RSU1: variants seen among roughly 807,000 people sequenced by gnomAD.
RSU1 encodes rsu-1.
Under a neutral mutation model 31.1 loss-of-function variants are expected in RSU1, and 26 were observed. The observed-to-expected ratio is 0.84, with a 90% CI of 0.61 to 1.16. The LOEUF is 1.16. Ranked by LOEUF, RSU1 falls within the 50% of genes most tolerant of loss-of-function variation. The probability of loss-of-function intolerance (pLI) is 0.00; values close to 1 mark genes in which losing one functional copy is unlikely to be tolerated. For synonymous variants in RSU1, 164 were observed against 136.3 expected, an observed-to-expected ratio of 1.20 and a Z score of -1.41; for missense variants, 320 against 339.1, an observed-to-expected ratio of 0.94 and a Z score of 0.44.
chr10:16,730,657 A>C (rs866858789), intron 7 of RSU1, among the ~76,000 whole-genome samples: 1 of 152,242 alleles, frequency 6.6e-6, no homozygotes. Context: ...ACTTGATATA[A>C]TCTATAAAGC....
chr10:16,688,211 C>T (rs1835474281), intron 8 of RSU1, among the ~76,000 whole-genome samples: 1 of 152,068 alleles, frequency 6.6e-6, no homozygotes, highest in Non-Finnish European at 1.5e-5. Context: ...TTTAGCAATA[C>T]TGGTTAAATG....
chr10:16,760,376 G>T (rs1184554804), intron 4 of RSU1, among the ~76,000 whole-genome samples: 3 of 151,986 alleles, frequency 2.0e-5, no homozygotes, highest in Non-Finnish European at 2.9e-5. Flanking sequence ...GGGTGTGGGT[G>T]TGTGCACTTG....
At chr10:16,693,641 G>A (rs546813013) in intron 8 of RSU1, among the ~76,000 whole-genome samples, 2 of 152,098 alleles carry the variant, frequency 1.3e-5, no homozygotes, top group African/African-American at 4.8e-5. Flanking sequence ...AAGCAGGATT[G>A]CTTGACACCA....
At chr10:16,732,051 T>C (rs1259625645) in intron 7 of RSU1, among the ~76,000 whole-genome samples, 2 of 152,134 alleles carry the variant, frequency 1.3e-5, no homozygotes, top group Admixed American at 1.3e-4. Flanking sequence ...AAGTACAGTA[T>C]CAGTAGCTTC....
intron 2 of RSU1, among the ~76,000 whole-genome samples, chr10:16,801,348 C>G (rs1313967079): frequency 4.6e-5 from 7 of 152,094 alleles, no homozygotes; most frequent in Non-Finnish European, 1.5e-5. Context: ...ACACAGCAAT[C>G]CTTAATGTGA....
At chr10:16,663,241 G>T (rs1834920385) in intron 8 of RSU1, among the ~76,000 whole-genome samples, 1 of 152,030 alleles carries the variant, frequency 6.6e-6, no homozygotes, top group African/African-American at 2.4e-5. Flanking sequence ...CTAAACAAAG[G>T]GCCCTACGTG....
chr10:16,636,616 C>T (rs1456615161), intron 8 of RSU1, among the ~76,000 whole-genome samples: 1 of 152,158 alleles, frequency 6.6e-6, no homozygotes, highest in African/African-American at 2.4e-5. Flanking sequence ...AAAACCCACC[C>T]AGGCTTTCGG....
At chr10:16,633,938 G>A (rs1037620333) in intron 8 of RSU1, among the ~76,000 whole-genome samples, 4 of 152,070 alleles carry the variant, frequency 2.6e-5, no homozygotes, top group African/African-American at 9.7e-5. Flanking sequence ...ATCTCCAACT[G>A]GTTTTCCCCT....
At chr10:16,786,475 T>C (rs1369233655) in intron 2 of RSU1, among the ~76,000 whole-genome samples, 1 of 152,094 alleles carries the variant, frequency 6.6e-6, no homozygotes, top group Non-Finnish European at 1.5e-5. Flanking sequence ...TATCCCATGA[T>C]CTCTGGTTCC....
chr10:16,796,445 C>G (rs777351774), intron 2 of RSU1, among the ~76,000 whole-genome samples: 3 of 152,128 alleles, frequency 2.0e-5, no homozygotes, highest in Non-Finnish European at 2.9e-5. Context: ...GCAAACAAAT[C>G]TGCCATCAAT....
chr10:16,705,966 T>C (rs896608837), intron 7 of RSU1, among the ~76,000 whole-genome samples: 2 of 152,160 alleles, frequency 1.3e-5, no homozygotes, highest in African/African-American at 2.4e-5. Context: ...CTGTGGTTGG[T>C]TGAATCCATG....
intron 7 of RSU1, among the ~76,000 whole-genome samples, chr10:16,732,930 G>C (rs1836544100): frequency 6.6e-6 from 1 of 152,134 alleles, no homozygotes; most frequent in African/African-American, 2.4e-5. Flanking sequence ...TGGAAGCATG[G>C]ATGGAGTTTG....
chr10:16,608,163 T>C (rs1833836289), intron 8 of RSU1, among the ~76,000 whole-genome samples: 1 of 152,220 alleles, frequency 6.6e-6, no homozygotes, highest in African/African-American at 2.4e-5. Context: ...CACTGTATTA[T>C]TTTCCCCTCC....
intron 8 of RSU1, among the ~76,000 whole-genome samples, chr10:16,684,842 C>CA (rs1554766407): frequency 6.6e-6 from 1 of 152,102 alleles, no homozygotes; most frequent in Non-Finnish European, 1.5e-5. Flanking sequence ...TAACCTGTCA[C>CA]AAAAAAACCC....
intron 8 of RSU1, among the ~76,000 whole-genome samples, chr10:16,682,340 G>A (rs1008963122): frequency 6.6e-6 from 1 of 152,152 alleles, no homozygotes. Flanking sequence ...TACGGGAACA[G>A]ACTGATAATG....
intron 8 of RSU1, among the ~76,000 whole-genome samples, chr10:16,644,108 G>GT (rs1405146032): frequency 7.9e-5 from 12 of 151,952 alleles, no homozygotes; most frequent in African/African-American, 2.9e-4. Context: ...AGGGTGGTGG[G>GT]GGGGGGTCCT....
At chr10:16,718,776 A>C (rs1389235305) in intron 7 of RSU1, among the ~76,000 whole-genome samples, 1 of 151,928 alleles carries the variant, frequency 6.6e-6, no homozygotes, top group Non-Finnish European at 1.5e-5. Context: ...AGGTTAGTAG[A>C]TCAAGACCAG....
At chr10:16,747,548 T>G (rs1465459939) in intron 7 of RSU1, among the ~76,000 whole-genome samples, 1 of 152,150 alleles carries the variant, frequency 6.6e-6, no homozygotes, top group Admixed American at 6.5e-5. Flanking sequence ...CAATTCCTGT[T>G]AGTTTTGCCT....
intron 8 of RSU1, among the ~76,000 whole-genome samples, chr10:16,682,636 T>C (rs1399519454): frequency 1.3e-5 from 2 of 151,218 alleles, no homozygotes; most frequent in East Asian, 2.0e-4. Flanking sequence ...ACCTACTCTG[T>C]CTCTGGAGTA....
Sources: gnomAD v4.1 joint callset for allele counts (sites outside exome capture counted in the v4.1 genomes callset) on GRCh38, gnomAD v4.1.1 for gene constraint, MANE v1.5 for transcripts, NCBI Gene and HGNC (gene_info 2026-07-23, HGNC 2026-07-21) for gene names.